JMJD1C: variants seen among roughly 807,000 people sequenced by gnomAD.
JMJD1C encodes jumonji domain-containing protein 1C.
Under a neutral mutation model 245.3 loss-of-function variants are expected in JMJD1C, and 31 were observed. The ratio of observed to expected loss-of-function variants is 0.13; its 90% confidence interval spans 0.09 to 0.17. The LOEUF (loss-of-function observed/expected upper bound fraction) is 0.17, where lower values mean the gene tolerates loss of function less well. Ranked by LOEUF, JMJD1C falls within the 10% of genes least tolerant of loss-of-function variation. The pLI, the probability that JMJD1C is intolerant of heterozygous loss-of-function variation, is 1.00. For synonymous variants in JMJD1C, 1,057 were observed against 1,017.4 expected, an observed-to-expected ratio of 1.04 and a Z score of -0.74; for missense variants, 2,691 against 3,000.2, an observed-to-expected ratio of 0.90 and a Z score of 2.41.
At chr10:63,184,564 TC>T in intron 21 of JMJD1C, 43 bp downstream of exon 21, 1 of 1,549,380 alleles carries the variant, frequency 6.5e-7, no homozygotes, top group Non-Finnish European at 8.7e-7. Flanking sequence ...TTTTAAAAAA[TC>T]CAATATAATT....
intron 1 of JMJD1C, among the ~76,000 whole-genome samples, chr10:63,429,764 T>C (rs1462370737): frequency 1.3e-5 from 2 of 152,252 alleles, no homozygotes; most frequent in Admixed American, 6.5e-5. Context: ...CCTCTTATTA[T>C]AGCACTATAT....
At position 63,490,948 on chromosome 10, in the gene JMJD1C, C is replaced by T. The variant is rs557211115; in HGVS notation, n.113+30790G>A. On this transcript the variant is annotated intron_variant and non_coding_transcript_variant, in intron 1 of 3. Coordinates refer to the JMJD1C transcript ENST00000633035. ...CTGAGCACCTACCATGCACGAAGCACGCTAATGAGCAATCTATAGATAGCT... is the reference window on the plus strand; with the variant it reads ...CTGAGCACCTACCATGCACGAAGCATGCTAATGAGCAATCTATAGATAGCT... Among the ~76,000 whole-genome samples, 234 of 152,216 alleles carry T rather than the reference C, an allele frequency of 1.5e-3. 4 individuals are homozygous for T. Among genetic ancestry groups the T allele is most frequent in the Non-Finnish European group, 1.2e-3 (82 of 68,036 alleles).
Position 63,207,947 on chromosome 10 carries a change from C to G in JMJD1C, c.3722G>C (p.Gly1241Ala). ...TLTPVMPVNA[G>A]GKVQESQKPP... ...CTTCTGTGATTCTTGAACTTTACCACCAGCATTTACTGGCATCACCGGAGT... is the reference window on the plus strand; with the variant it reads ...CTTCTGTGATTCTTGAACTTTACCAGCAGCATTTACTGGCATCACCGGAGT... Residue 1241 changes from glycine (G) to alanine (A), a missense_variant, in exon 10 of 26, where the codon GGT (glycine) becomes GCT (alanine). Gly to Ala is a moderately conservative substitution (Grantham distance 60). This residue lies in a region of JMJD1C where 1,562 missense variants were observed against 1,490.7 expected (regional missense o/e 1.05). Coordinates refer to ENST00000399262, the MANE Select transcript of JMJD1C (RefSeq NM_032776.3). The G allele has an allele frequency of 6.2e-7, 1 of 1,614,154 alleles. No homozygotes were observed. The highest frequency in any genetic ancestry group is 8.5e-7 in the Non-Finnish European group (1 of 1,180,010).
chr10:63,320,609 CAT>C lies in JMJD1C; in HGVS notation c.334-55847_334-55846del, dbSNP rs1003156558. Among the ~76,000 whole-genome samples the C allele has an allele frequency of 3.9e-5, 6 of 152,188 alleles. No homozygotes were observed. In the East Asian group the frequency reaches 7.7e-4, roughly 20 times the overall value. ...GGAAAGTAGCTTCACTATTTTTTCA[CAT>C]GTTAAAGCATCTAAATGGAGACTCT... On this transcript the variant is annotated intron_variant, in intron 2 of 25. Coordinates refer to ENST00000399262, the MANE Select transcript of JMJD1C (RefSeq NM_032776.3).
At chr10:63,192,235 C>A (rs914318306) in intron 16 of JMJD1C, among the ~76,000 whole-genome samples, 1 of 121,584 alleles carries the variant, frequency 8.2e-6, no homozygotes, top group Non-Finnish European at 1.6e-5. Flanking sequence ...GGCAACATGG[C>A]GAAACTTCAT....
At position 63,200,595 on chromosome 10, in the gene JMJD1C, G is replaced by A. The variant is rs1162358332; in HGVS notation, c.5157C>T (p.Asp1719=). 2.2e-5 allele frequency: 36 copies of A among 1,613,728 alleles called. No individual in the cohort carries two copies. The highest frequency in any genetic ancestry group is 2.7e-5 in the Non-Finnish European group (32 of 1,179,796). ...KQTGESFLQD[D]SCCEIGPNLQ... is the part of the protein sequence containing the mutation. ...AATTAGGCCCTATCTCACAGCAGGA[G>A]TCATCCTGTAAAAAGGATTCCCCAG... Residue 1719 remains aspartate (D), a synonymous_variant, in exon 11 of 26, where the codon GAC becomes GAT. Coordinates refer to ENST00000399262, the MANE Select transcript of JMJD1C (RefSeq NM_032776.3).
At chr10:63,244,865 G>A (rs543263584) in intron 3 of JMJD1C, among the ~76,000 whole-genome samples, 6 of 151,640 alleles carry the variant, frequency 4.0e-5, no homozygotes, top group South Asian at 2.1e-4. Flanking sequence ...GGCTGGGTGC[G>A]GTGGCTCACG....
intron 13 of JMJD1C, 139 bp downstream of exon 13, chr10:63,197,272 T>A: frequency 1.4e-6 from 1 of 692,078 alleles, no homozygotes; most frequent in Non-Finnish European, 2.3e-6. Flanking sequence ...TTACTTCTCC[T>A]CTTAAAAACA....
At chr10:63,489,851 G>GA (rs1362991934) in intron 1 of JMJD1C, among the ~76,000 whole-genome samples, 2 of 152,156 alleles carry the variant, frequency 1.3e-5, no homozygotes, top group African/African-American at 4.8e-5. Flanking sequence ...CCATCCCCCG[G>GA]ACCATGGACC....
At position 63,167,872 on chromosome 10, in the gene JMJD1C, A is replaced by G; in HGVS notation, c.*173T>C. Reference sequence around the variant, plus strand: ...TGCTTGTTTTATAACATTGAATCACAGGAGCTGTGACATATGCTATACTGC... The same window carrying G: ...TGCTTGTTTTATAACATTGAATCACGGGAGCTGTGACATATGCTATACTGC... On this transcript the variant is annotated 3_prime_UTR_variant, in exon 26 of 26. Transcript: ENST00000399262. The G allele has an allele frequency of 1.9e-6, 1 of 518,324 alleles. No individual in the cohort carries two copies. The highest frequency in any genetic ancestry group is 3.3e-5 in the Admixed American group (1 of 30,270). 32.1% of individuals were successfully genotyped at this position (518,324 alleles called of 1,614,324 possible).
At chr10:63,183,654 C>T in intron 21 of JMJD1C, 85 bp from the exon 22 acceptor site, 1 of 749,198 alleles carries the variant, frequency 1.3e-6, no homozygotes, top group Non-Finnish European at 2.0e-6. Flanking sequence ...TTAGCTCGAT[C>T]TGCATAATTT....
chr10:63,197,269 T>G, intron 13 of JMJD1C, 142 bp downstream of exon 13: 2 of 665,914 alleles, frequency 3.0e-6, no homozygotes, highest in African/African-American at 1.9e-5. Flanking sequence ...TGGTTACTTC[T>G]CCTCTTAAAA....
chr10:63,380,804 T>C (rs1201347245), intron 1 of JMJD1C, among the ~76,000 whole-genome samples: 1 of 152,202 alleles, frequency 6.6e-6, no homozygotes, highest in African/African-American at 2.4e-5. Flanking sequence ...AGGGGAACTC[T>C]AGTACACTGT....
At chr10:63,355,690 G>C (rs1032241575) in intron 2 of JMJD1C, among the ~76,000 whole-genome samples, 1 of 151,940 alleles carries the variant, frequency 6.6e-6, no homozygotes, top group Non-Finnish European at 1.5e-5. Context: ...AGAAAGATAT[G>C]CAAAGATGAT....
chr10:63,420,612 G>A (rs760212424), intron 1 of JMJD1C, among the ~76,000 whole-genome samples: 7 of 150,886 alleles, frequency 4.6e-5, no homozygotes, highest in Non-Finnish European at 7.4e-5. Context: ...GGTGGGGGGC[G>A]CGGGGCAGGG....
intron 1 of JMJD1C, among the ~76,000 whole-genome samples, chr10:63,520,630 T>A (rs1483210765): frequency 1.3e-5 from 2 of 152,208 alleles, no homozygotes; most frequent in Non-Finnish European, 2.9e-5. Context: ...GTAATATAGT[T>A]GTAAATCTTA....
intron 2 of JMJD1C, among the ~76,000 whole-genome samples, chr10:63,297,714 T>C (rs1321413089): frequency 6.6e-6 from 1 of 151,778 alleles, no homozygotes; most frequent in Non-Finnish European, 1.5e-5. Flanking sequence ...CCCCATGGGA[T>C]GGGAAAAAGC....
At position 63,208,492 on chromosome 10, in the gene JMJD1C, A is replaced by G. The variant is rs1302289478; in HGVS notation, c.3177T>C (p.Pro1059=). ...TATCTTGTTTGATGATATGGCTTTT[A>G]GGACTGGAAGATGATGATGCCACTC... ...YSRVASSSSS[P]KSHIIKQDMD... Residue 1059 remains proline (P), a synonymous_variant, in exon 10 of 26, where the codon CCT becomes CCC. Transcript: ENST00000399262. 1 of 1,613,904 alleles carries G rather than the reference A, an allele frequency of 6.2e-7. No homozygotes were observed. The highest frequency in any genetic ancestry group is 1.1e-5 in the South Asian group (1 of 91,082).
intron 1 of JMJD1C, among the ~76,000 whole-genome samples, chr10:63,460,987 T>C (rs1226718511): frequency 6.6e-6 from 1 of 152,182 alleles, no homozygotes; most frequent in Middle Eastern, 3.2e-3. Flanking sequence ...CCAGAACATA[T>C]AGATGATGGG....
Sources: allele counts gnomAD v4.1 joint callset (sites outside exome capture counted in the v4.1 genomes callset), GRCh38; gene constraint gnomAD v4.1.1; regional missense constraint gnomAD v4.1.1; transcripts MANE v1.5; gene names NCBI Gene and HGNC (gene_info 2026-07-23, HGNC 2026-07-21).